THTPA: variants seen among roughly 807,000 people sequenced by gnomAD.
THTPA encodes thiamine triphosphatase, also known as thiamine-triphosphatase.
Under a neutral mutation model 16.5 loss-of-function variants are expected in THTPA, and 16 were observed. The observed-to-expected ratio is 0.97, with a 90% CI of 0.66 to 1.47. The LOEUF (loss-of-function observed/expected upper bound fraction) is 1.47. Among genes scored for constraint, THTPA ranks in the 40% most tolerant of loss-of-function variants. The pLI, the probability that THTPA is intolerant of heterozygous loss-of-function variation, is 0.00. For synonymous variants in THTPA, 110 were observed against 115.5 expected (o/e 0.95, Z 0.30); for missense variants, 281 against 280.9 (o/e 1.00, Z 0.00).
At chr14:23,527,992 C>T in the THTPA span, among the ~76,000 whole-genome samples, 4 of 151,476 alleles carry the variant, frequency 2.6e-5, no homozygotes, top group African/African-American at 2.4e-5. Flanking sequence ...CTGCAACCTC[C>T]GCCTTCCAGG....
chr14:23,533,209 T>C, the THTPA span: 30 of 1,434,712 alleles, frequency 2.1e-5, no homozygotes, highest in Non-Finnish European at 2.5e-5. This position sits in a 1 kb window ranked among gnomAD's most constrained non-coding sequence, Gnocchi z 4.8. Context: ...AAGTGGGGAG[T>C]TGGTCCTTGG....
At chr14:23,521,207 C>A in the THTPA span, 1 of 152,368 alleles carries the variant, frequency 6.6e-6, no homozygotes, top group African/African-American at 2.4e-5. Flanking sequence ...GTGGCGGCAT[C>A]CCCTAGAGTC....
At chr14:23,526,266 G>A in the THTPA span, 3 of 1,536,328 alleles carry the variant, frequency 2.0e-6, no homozygotes, top group East Asian at 2.4e-5. Context: ...GGGGCAGAGG[G>A]GTCAATGGCA....
the THTPA span, chr14:23,533,700 G>A: frequency 5.2e-6 from 8 of 1,540,772 alleles, no homozygotes; most frequent in Non-Finnish European, 7.0e-6. This position sits in a 1 kb window ranked among gnomAD's most constrained non-coding sequence, Gnocchi z 4.8. Context: ...GCCCACCAGG[G>A]CCCGCCTGGA....
the THTPA span, among the ~76,000 whole-genome samples, chr14:23,528,062 C>T: frequency 6.6e-6 from 1 of 152,144 alleles, no homozygotes; most frequent in Non-Finnish European, 1.5e-5. Flanking sequence ...CGTGTGCAAC[C>T]ACGCCCAGCT....
chr14:23,540,574 T>G, the THTPA span, among the ~76,000 whole-genome samples: 2 of 152,188 alleles, frequency 1.3e-5, no homozygotes, highest in Admixed American at 6.5e-5. Context: ...AAACTATAAC[T>G]AGATGAGCTC....
chr14:23,529,710 C>A, the THTPA span: 1 of 1,536,102 alleles, frequency 6.5e-7, no homozygotes, highest in Non-Finnish European at 8.7e-7. Context: ...CAATTCTGAC[C>A]GTGGTCTGGT....
the THTPA span, chr14:23,513,004 G>A: frequency 2.0e-5 from 3 of 152,158 alleles, no homozygotes; most frequent in African/African-American, 7.2e-5. Flanking sequence ...AGTGGGTGGG[G>A]AGAGAAGCGA....
At chr14:23,533,347 G>C in the THTPA span, 1 of 1,440,536 alleles carries the variant, frequency 6.9e-7, no homozygotes, top group East Asian at 2.5e-5. This position sits in a 1 kb window ranked among gnomAD's most constrained non-coding sequence, Gnocchi z 4.8. Context: ...AAGTAGCTGG[G>C]CTTCCAGGGG....
the THTPA span, among the ~76,000 whole-genome samples, chr14:23,527,989 C>T: frequency 6.6e-6 from 1 of 151,296 alleles, no homozygotes; most frequent in East Asian, 1.9e-4. Context: ...TCACTGCAAC[C>T]TCCGCCTTCC....
At chr14:23,522,533 G>A in the THTPA span, 1 of 1,527,946 alleles carries the variant, frequency 6.5e-7, no homozygotes, top group Non-Finnish European at 8.8e-7. Flanking sequence ...GGGGTTCATG[G>A]GAAATAGCCC....
the THTPA span, chr14:23,534,040 G>A: frequency 5.9e-6 from 9 of 1,535,718 alleles, no homozygotes; most frequent in Non-Finnish European, 7.9e-6. This position sits in a 1 kb window ranked among gnomAD's most constrained non-coding sequence, Gnocchi z 4.5. Context: ...GAAGGCTGCA[G>A]GGGCTGGGGT....
At chr14:23,539,518 G>A in the THTPA span, among the ~76,000 whole-genome samples, 1 of 152,166 alleles carries the variant, frequency 6.6e-6, no homozygotes, top group Non-Finnish European at 1.5e-5. Context: ...GAGCAAGATG[G>A]GGGAAATAGT....
chr14:23,523,058 T>G, the THTPA span: 2 of 1,402,400 alleles, frequency 1.4e-6, no homozygotes. The surrounding 1 kb of genome is among the most constrained non-coding windows in gnomAD (Gnocchi z 4.1). Context: ...CCATGCCCCT[T>G]CCCTCCCTTC....
chr14:23,533,087 A>T, the THTPA span: 21 of 1,519,000 alleles, frequency 1.4e-5, no homozygotes, highest in Non-Finnish European at 1.6e-5. The surrounding 1 kb of genome is among the most constrained non-coding windows in gnomAD (Gnocchi z 4.8). Context: ...TCCAGGGGCT[A>T]GAGGACAGAG....
chr14:23,535,883 C>T, the THTPA span, among the ~76,000 whole-genome samples: 1 of 152,184 alleles, frequency 6.6e-6, no homozygotes, highest in East Asian at 1.9e-4. This position sits in a 1 kb window ranked among gnomAD's most constrained non-coding sequence, Gnocchi z 4.5. Context: ...TGAGCCACCG[C>T]GCCCAGCCTA....
chr14:23,526,706 G>A, the THTPA span: 1 of 1,535,786 alleles, frequency 6.5e-7, no homozygotes, highest in African/African-American at 1.4e-5. Context: ...AAAGTACAAT[G>A]AGGAGGGAAC....
rs1883008340 is a variant in THTPA at position 23,559,431 on chromosome 14, C to G, written c.*591C>G. The G allele has an allele frequency of 2.8e-6, 1 of 355,830 alleles. No homozygotes were observed. Among genetic ancestry groups the G allele is most frequent in the African/African-American group, 2.1e-5 (1 of 47,578 alleles). The allele number at this position is 355,830 out of a possible 1,614,324, so 22.0% of individuals were successfully genotyped here. A position where few individuals can be genotyped will look rare whatever the true frequency, so the allele number is the denominator to read the frequency against. On this transcript the variant is annotated 3_prime_UTR_variant, in exon 2 of 2. Transcript: ENST00000288014. ...CTGACCTGGAGAGGGTTAGAAAGAA[C>G]CAACAGCTGCCCCCTCCCCGCCCCC...
chr14:23,554,708 C>G (rs1882215258), upstream of THTPA, among the ~76,000 whole-genome samples: 1 of 151,962 alleles, frequency 6.6e-6, no homozygotes, highest in Non-Finnish European at 1.5e-5. Flanking sequence ...GTCTTTAAAC[C>G]AGTGTCCTTC....
Sources: gnomAD v4.1 joint callset for allele counts (sites outside exome capture counted in the v4.1 genomes callset) on GRCh38, gnomAD v4.1.1 for gene constraint, Gnocchi (gnomAD v3.1) non-coding constraint, MANE v1.5 for transcripts, NCBI Gene and HGNC (gene_info 2026-07-23, HGNC 2026-07-21) for gene names.